Variants in RTL9 observed in about 807,000 individuals in gnomAD.
RTL9 encodes retrotransposon Gag like 9.
Under a neutral mutation model 44.7 loss-of-function variants are expected in RTL9, and 19 were observed. The ratio of observed to expected loss-of-function variants is 0.42; its 90% CI spans 0.30 to 0.62. The LOEUF (loss-of-function observed/expected upper bound fraction) is 0.62, where lower values mean the gene tolerates loss of function less well. Ranked by LOEUF, RTL9 falls within the 20% of genes least tolerant of loss-of-function variation. RTL9 has a pLI of 0.16. For missense variants in RTL9, 1,105 were observed against 1,080.6 expected, an observed-to-expected ratio of 1.02 and a Z score of -0.32; for synonymous variants, 407 against 398.9, an observed-to-expected ratio of 1.02 and a Z score of -0.24.
At chrX:110,455,496 C>T (rs2068975444) in exon 2 of RTL9, 1 of 502,611 alleles carries the variant, frequency 2.0e-6, no homozygotes, top group African/African-American at 2.4e-5. Flanking sequence ...TCTCTTTCAC[C>T]CACATGCCTA....
exon 1 of RTL9, chrX:110,451,125 C>T (rs749951175): frequency 1.7e-6 from 2 of 1,212,068 alleles, no homozygotes; most frequent in Non-Finnish European, 2.2e-6. Flanking sequence ...ATTGGCAATG[C>T]CAGCTCCATC....
At chrX:110,368,515 G>A (rs751918190) in intron 1 of RTL9, among the ~76,000 whole-genome samples, 8 of 111,911 alleles carry the variant, frequency 7.1e-5, no homozygotes, top group Non-Finnish European at 1.5e-4. Context: ...AGAGTGTCAT[G>A]CTTATTCACT....
chrX:110,398,578 A>T lies in RTL9; in HGVS notation c.-168+39662A>T, dbSNP rs141834452. 1.9e-3 allele frequency among the ~76,000 whole-genome samples: 215 copies of T among 112,322 alleles called. 1 individual carries two copies. The highest frequency in any genetic ancestry group is 6.1e-3 in the African/African-American group (189 of 30,948). Reference sequence around the variant, plus strand: ...TTTACAAATGATGAAACTGGGGCTCAGAGAGGTTAGTGACTTGCCCAAGGT... The same window carrying T: ...TTTACAAATGATGAAACTGGGGCTCTGAGAGGTTAGTGACTTGCCCAAGGT... On this transcript the variant is annotated intron_variant, in intron 1 of 2. Coordinates refer to the RTL9 transcript ENST00000520821.
intron 1 of RTL9, among the ~76,000 whole-genome samples, chrX:110,399,208 C>G (rs1489654889): frequency 8.9e-6 from 1 of 112,578 alleles, no homozygotes; most frequent in Admixed American, 9.4e-5. Context: ...GCACATTCCA[C>G]TTTCTGTACC....
intron 1 of RTL9, among the ~76,000 whole-genome samples, chrX:110,432,444 C>T (rs772134620): frequency 4.1e-4 from 46 of 112,034 alleles, no homozygotes; most frequent in South Asian, 3.8e-3. Flanking sequence ...TTGATAGCTT[C>T]GAGAGAAGAG....
chrX:110,449,302 A>G (rs985210521), upstream of RTL9, among the ~76,000 whole-genome samples: 2 of 112,413 alleles, frequency 1.8e-5, no homozygotes, highest in African/African-American at 3.2e-5. Context: ...TGATACATGT[A>G]AAGTGCCTAG....
At chrX:110,432,488 C>T (rs1249455473) in intron 1 of RTL9, among the ~76,000 whole-genome samples, 2 of 112,104 alleles carry the variant, frequency 1.8e-5, no homozygotes, top group Admixed American at 1.9e-4. Flanking sequence ...TAATTAGCCC[C>T]AGCTGCTGTT....
At chrX:110,446,470 G>A (rs1402890849), upstream of RTL9, among the ~76,000 whole-genome samples, 1 of 110,202 alleles carries the variant, frequency 9.1e-6, no homozygotes, top group Non-Finnish European at 1.9e-5. Context: ...GAGTGAAAAG[G>A]GCTTGAGAAA....
chrX:110,412,575 T>C (rs967692817), intron 1 of RTL9, among the ~76,000 whole-genome samples: 1 of 112,044 alleles, frequency 8.9e-6, no homozygotes, highest in African/African-American at 3.2e-5. Context: ...ATTCATGAAG[T>C]TGTGAAGAGT....
At chrX:110,391,927 A>T (rs1015699307) in intron 1 of RTL9, among the ~76,000 whole-genome samples, 1 of 112,357 alleles carries the variant, frequency 8.9e-6, no homozygotes, top group Admixed American at 9.4e-5. Context: ...AAAAAATAAT[A>T]TGCTTCTCCT....
At chrX:110,417,541 T>A (rs1332646299), upstream of RTL9, among the ~76,000 whole-genome samples, 1 of 112,049 alleles carries the variant, frequency 8.9e-6, no homozygotes, top group Non-Finnish European at 1.9e-5. Context: ...TTATTATGTC[T>A]TTGCATCTTC....
intron 1 of RTL9, among the ~76,000 whole-genome samples, chrX:110,427,232 T>A (rs763839073): frequency 8.9e-6 from 1 of 111,898 alleles, no homozygotes; most frequent in East Asian, 2.8e-4. Context: ...CTCCCCAAAG[T>A]GGCCTGAGTG....
At chrX:110,382,784 T>C (rs1313383593) in intron 1 of RTL9, among the ~76,000 whole-genome samples, 7 of 111,993 alleles carry the variant, frequency 6.3e-5, no homozygotes, top group Non-Finnish European at 9.4e-5. Flanking sequence ...CCATTTCCAC[T>C]CACGGGGCCA....
chrX:110,418,632 C>T (rs1296346274), upstream of RTL9, among the ~76,000 whole-genome samples: 4 of 111,598 alleles, frequency 3.6e-5, no homozygotes, highest in Non-Finnish European at 7.5e-5. Context: ...CCCAAACTGC[C>T]ACGGTCTCCA....
At position 110,392,916 on chromosome X, in the gene RTL9, C is replaced by T. The variant is rs778080466; in HGVS notation, c.-168+34000C>T. 6.3e-5 allele frequency among the ~76,000 whole-genome samples: 7 copies of T among 111,936 alleles called. 1 individual carries two copies. Among genetic ancestry groups the T allele is most frequent in the Non-Finnish European group, 1.3e-4 (7 of 53,169 alleles). On this transcript the variant is annotated intron_variant, in intron 1 of 2. Coordinates refer to the RTL9 transcript ENST00000520821. ...ATGTGAGTTTGAGTGTTTGAGCTGGCGTTGTGAGTTTGTGGGTGGATTAGA... is the reference window on the plus strand; with the variant it reads ...ATGTGAGTTTGAGTGTTTGAGCTGGTGTTGTGAGTTTGTGGGTGGATTAGA...
At chrX:110,365,203 G>A (rs2068289460) in intron 1 of RTL9, among the ~76,000 whole-genome samples, 1 of 111,850 alleles carries the variant, frequency 8.9e-6, no homozygotes, top group Non-Finnish European at 1.9e-5. Flanking sequence ...AAAAATGTCA[G>A]TTTCCTGGTC....
intron 1 of RTL9, among the ~76,000 whole-genome samples, chrX:110,392,416 A>C (rs1180791638): frequency 1.9e-5 from 2 of 107,020 alleles, no homozygotes; most frequent in Non-Finnish European, 3.8e-5. Flanking sequence ...GTTAGGACTT[A>C]CAGTCATGTG....
intron 1 of RTL9, among the ~76,000 whole-genome samples, chrX:110,437,689 G>T (rs1321857791): frequency 1.8e-5 from 2 of 111,726 alleles, no homozygotes; most frequent in Non-Finnish European, 3.8e-5. Flanking sequence ...TGAGTTCAAT[G>T]CGGGTATCAG....
intron 1 of RTL9, among the ~76,000 whole-genome samples, chrX:110,383,072 A>G (rs758618839): frequency 1.8e-5 from 2 of 111,882 alleles, no homozygotes; most frequent in Non-Finnish European, 3.8e-5. Flanking sequence ...AACTCTTGCA[A>G]AAAGCCAACT....
Sources: allele counts gnomAD v4.1 joint callset (sites outside exome capture counted in the v4.1 genomes callset), GRCh38; gene constraint gnomAD v4.1.1; transcripts MANE v1.5; gene names NCBI Gene and HGNC (gene_info 2026-07-23, HGNC 2026-07-21).